Variants in RYR2 observed in about 807,000 individuals in gnomAD.
RYR2 encodes cardiac muscle ryanodine receptor-calcium release channel.
RYR2 carries 227 observed loss-of-function variants against 601.1 expected under a neutral mutation model. That is an observed-to-expected ratio of 0.38 (90% CI 0.34 to 0.42). The LOEUF (loss-of-function observed/expected upper bound fraction) is 0.42. RYR2 is among the 10% of genes least tolerant of loss of function. The pLI, the probability that RYR2 is intolerant of heterozygous loss-of-function variation, is 1.00. For synonymous variants in RYR2, 2,223 were observed against 2,175.1 expected (o/e 1.02, Z -0.61); for missense variants, 4,646 against 6,156.5 (o/e 0.75, Z 8.21).
intron 1 of RYR2, among the ~76,000 whole-genome samples, chr1:237,077,851 T>A (rs1444192643): frequency 6.8e-6 from 1 of 147,676 alleles, no homozygotes; most frequent in African/African-American, 2.5e-5. Context: ...CCACACCTAT[T>A]CCAAAATTGG....
At chr1:237,364,595 T>C (rs997027761) in intron 5 of RYR2, among the ~76,000 whole-genome samples, 4 of 152,108 alleles carry the variant, frequency 2.6e-5, no homozygotes, top group African/African-American at 9.6e-5. Context: ...CTTCACATGC[T>C]TTTAAAAGGT....
intron 2 of RYR2, among the ~76,000 whole-genome samples, chr1:237,307,928 A>AGG (rs1465860599): frequency 7.0e-6 from 1 of 143,528 alleles, no homozygotes; most frequent in Admixed American, 6.7e-5. Flanking sequence ...ATTTTGAGTG[A>AGG]AGGCTAGGAA....
chr1:237,064,372 C>T (rs1296792096), intron 1 of RYR2, among the ~76,000 whole-genome samples: 1 of 151,838 alleles, frequency 6.6e-6, no homozygotes, highest in Non-Finnish European at 1.5e-5. Context: ...TTGTAACATT[C>T]TTCCTCTTCA....
At position 237,485,134 on chromosome 1, in the gene RYR2, G is replaced by A. The variant is rs114442369; in HGVS notation, c.1709-6672G>A. Among the ~76,000 whole-genome samples the A allele has an allele frequency of 3.0e-3, 462 of 152,190 alleles. 1 individual carries two copies. Among genetic ancestry groups the A allele is most frequent in the Non-Finnish European group, 4.8e-3 (326 of 68,010 alleles). On this transcript the variant is annotated intron_variant, in intron 17 of 104. Transcript: ENST00000366574. The stretch of plus-strand genomic sequence containing the variant: ...GCACTAAGAAATATAAATTCCCTAT[G>A]TTGTGTCCTCTGTCTTTTCTACATT...
intron 29 of RYR2, among the ~76,000 whole-genome samples, chr1:237,571,546 C>T (rs1343020548): frequency 6.6e-6 from 1 of 152,074 alleles, no homozygotes; most frequent in Non-Finnish European, 1.5e-5. Context: ...AACTCCTGAC[C>T]TCAGGTGATC....
intron 19 of RYR2, among the ~76,000 whole-genome samples, chr1:237,495,407 C>T (rs1230241759): frequency 5.9e-5 from 9 of 152,190 alleles, no homozygotes; most frequent in Non-Finnish European, 8.8e-5. Context: ...TTTTTTCTTT[C>T]GCTCCTTTTG....
At chr1:237,216,525 G>A (rs1191953945) in intron 1 of RYR2, among the ~76,000 whole-genome samples, 1 of 152,038 alleles carries the variant, frequency 6.6e-6, no homozygotes, top group Non-Finnish European at 1.5e-5. Context: ...AGCACCTGAT[G>A]TCAGGAGTTT....
chr1:237,389,496 G>A (rs1702204148), intron 10 of RYR2, among the ~76,000 whole-genome samples: 1 of 152,188 alleles, frequency 6.6e-6, no homozygotes, highest in Admixed American at 6.5e-5. Flanking sequence ...GAGAATCTGA[G>A]TCACGGAAAT....
intron 1 of RYR2, among the ~76,000 whole-genome samples, chr1:237,237,945 CCCTTTCCTTTCCTTT>C (rs60312547): frequency 2.8e-5 from 1 of 35,500 alleles, no homozygotes; most frequent in African/African-American, 6.5e-5. Flanking sequence ...CTTTCCTTTC[CCCTTTCCTTTCCTTT>C]CCTTTCCTTT....
At chr1:237,629,376 T>C (rs889050481) in intron 41 of RYR2, among the ~76,000 whole-genome samples, 1 of 151,716 alleles carries the variant, frequency 6.6e-6, no homozygotes, top group Non-Finnish European at 1.5e-5. Flanking sequence ...ATTTAAAATA[T>C]TTTTAAAAAT....
At chr1:237,057,534 GA>G (rs1249627333) in intron 1 of RYR2, among the ~76,000 whole-genome samples, 1 of 152,158 alleles carries the variant, frequency 6.6e-6, no homozygotes, top group African/African-American at 2.4e-5. Flanking sequence ...CGAGGAGGTT[GA>G]AAGTAGACTC....
At chr1:237,125,607 C>T (rs764422461) in intron 1 of RYR2, among the ~76,000 whole-genome samples, 16 of 152,132 alleles carry the variant, frequency 1.1e-4, no homozygotes, top group Non-Finnish European at 2.1e-4. Flanking sequence ...AAAATATTAA[C>T]GTCATTGTTT....
chr1:237,582,730 C>T (rs1046100791), intron 29 of RYR2, among the ~76,000 whole-genome samples: 2 of 146,672 alleles, frequency 1.4e-5, no homozygotes, highest in African/African-American at 5.1e-5. Flanking sequence ...ATCTATGTAG[C>T]TGCAGAGGAC....
intron 1 of RYR2, among the ~76,000 whole-genome samples, chr1:237,098,723 A>C (rs1326279466): frequency 6.6e-6 from 1 of 152,194 alleles, no homozygotes. Flanking sequence ...GAATCTAAAA[A>C]AGTCAAACTC....
Position 237,806,884 on chromosome 1 carries a change from A to G in RYR2, c.14298+601A>G, listed in dbSNP as rs543374610. Among the ~76,000 whole-genome samples, 53 of 152,312 alleles carry G rather than the reference A, an allele frequency of 3.5e-4. 1 individual carries two copies. The highest frequency in any genetic ancestry group is 1.3e-3 in the African/African-American group (52 of 41,578). The stretch of plus-strand genomic sequence containing the variant: ...AATGGAACCTGTTCTTAATGTTAAG[A>G]CTTCCCATTATCCTGAAGCATATTG... On this transcript the variant is annotated intron_variant, in intron 99 of 104. Transcript: ENST00000366574.
intron 1 of RYR2, among the ~76,000 whole-genome samples, chr1:237,096,380 T>C (rs540882754): frequency 3.4e-4 from 52 of 152,350 alleles, no homozygotes; most frequent in Non-Finnish European, 5.9e-4. Flanking sequence ...AACCTTCTCC[T>C]TTTGTTTCAA....
At chr1:237,456,944 CA>C (rs554435392) in intron 16 of RYR2, among the ~76,000 whole-genome samples, 1 of 151,336 alleles carries the variant, frequency 6.6e-6, no homozygotes, top group Non-Finnish European at 1.5e-5. Context: ...AACACAAAAG[CA>C]AAAAAAATCA....
At chr1:237,713,782 G>C (rs541637799) in intron 71 of RYR2, among the ~76,000 whole-genome samples, 2 of 152,142 alleles carry the variant, frequency 1.3e-5, no homozygotes, top group Non-Finnish European at 2.9e-5. Flanking sequence ...TTGTGGGTGT[G>C]AGAAAGGTGG....
chr1:237,092,708 T>C (rs1667107366), intron 1 of RYR2, among the ~76,000 whole-genome samples: 1 of 152,108 alleles, frequency 6.6e-6, no homozygotes, highest in Non-Finnish European at 1.5e-5. Context: ...TTTTGTATTT[T>C]TAGTTGAGAT....
Sources: gnomAD v4.1 joint callset for allele counts (sites outside exome capture counted in the v4.1 genomes callset) on GRCh38, gnomAD v4.1.1 for gene constraint, MANE v1.5 for transcripts, NCBI Gene and HGNC (gene_info 2026-07-23, HGNC 2026-07-21) for gene names.